The following PCDHGA3 variants were observed in gnomAD, a reference collection of about 807,000 sequenced individuals.
The protein encoded by PCDHGA3 is protocadherin gamma-A3.
Under a neutral mutation model 58.5 loss-of-function variants are expected in PCDHGA3, and 40 were observed. The observed-to-expected ratio is 0.68, with a 90% CI of 0.53 to 0.89. PCDHGA3 has a LOEUF of 0.89. Among genes scored for constraint, PCDHGA3 ranks in the 40% least tolerant of loss-of-function variants. The pLI is 0.00. For synonymous variants in PCDHGA3, 530 were observed against 525.7 expected (o/e 1.01, Z -0.11); for missense variants, 1,223 against 1,195.9 (o/e 1.02, Z -0.33).
chr5:141,468,229 G>A (rs1363462610), intron 1 of PCDHGA3, among the ~76,000 whole-genome samples: 4 of 150,884 alleles, frequency 2.7e-5, no homozygotes, highest in Non-Finnish European at 5.9e-5. Flanking sequence ...GGAGGATGAG[G>A]TAGGAGAATT....
rs375953505 is a variant in PCDHGA3 at position 141,352,222 on chromosome 5, C to T, written c.2424+5765C>T. 3.1e-6 allele frequency: 5 copies of T among 1,614,090 alleles called. No individual in the cohort carries two copies. The East Asian group carries it at 1.1e-4, about 36-fold the overall frequency. On this transcript the variant is annotated intron_variant, in intron 1 of 3. Coordinates refer to ENST00000253812, the MANE Select transcript of PCDHGA3 (RefSeq NM_018916.4). ...GACAGCCGCCACTCTCCGCCACCGC[C>T]ACGCTGCACCTAATCTTCGCGGATA...
At position 141,491,583 on chromosome 5, in the gene PCDHGA3, C is replaced by T; in HGVS notation, c.2425-3224C>T. On this transcript the variant is annotated intron_variant, in intron 1 of 3. Transcript: ENST00000253812. The surrounding 1 kb of genome is among the most constrained non-coding windows in gnomAD (Gnocchi z 6.9). ...GCTACAGGACGTGCTTTTCACCGGC[C>T]TCGGACGGCAGTGACTTCACTTTTC... 1 of 1,613,964 alleles carries T rather than the reference C, an allele frequency of 6.2e-7. No individual in the cohort carries two copies. Among genetic ancestry groups the T allele is most frequent in the African/African-American group, 1.3e-5 (1 of 75,032 alleles).
chr5:141,491,964 C>T lies in PCDHGA3; in HGVS notation c.2425-2843C>T, dbSNP rs1382490003. 2.1e-6 allele frequency: 2 copies of T among 943,836 alleles called. No individual in the cohort carries two copies. The highest frequency in any genetic ancestry group is 3.0e-6 in the Non-Finnish European group (2 of 671,104). 58.5% of individuals were successfully genotyped at this position (943,836 alleles called of 1,614,324 possible). On this transcript the variant is annotated intron_variant, in intron 1 of 3. Transcript: ENST00000253812. The surrounding 1 kb of genome is among the most constrained non-coding windows in gnomAD (Gnocchi z 6.9). ...CCCCACCCCTACACTCAAAAAAGGC[C>T]GGGGCCTCCTTCGAGCTTCCGGTGA...
intron 2 of PCDHGA3, among the ~76,000 whole-genome samples, chr5:141,497,332 A>G (rs537994715): frequency 6.6e-6 from 1 of 152,024 alleles, no homozygotes; most frequent in Non-Finnish European, 1.5e-5. Context: ...AGAATTCACC[A>G]TTGAACCTGG....
In PCDHGA3 at chr5:141,485,354, G is replaced by C; in HGVS notation, c.2425-9453G>C. 7 of 1,614,176 alleles carry C rather than the reference G, an allele frequency of 4.3e-6. No homozygotes were observed. Among genetic ancestry groups the C allele is most frequent in the Non-Finnish European group, 5.1e-6 (6 of 1,180,024 alleles). Reference sequence around the variant, plus strand: ...CCTGCTGGATACGGACAGTCTGTCAGCTCGCAGGCTGCAGGTCGCTGGAGA... The same window carrying C: ...CCTGCTGGATACGGACAGTCTGTCACCTCGCAGGCTGCAGGTCGCTGGAGA... On this transcript the variant is annotated intron_variant, in intron 1 of 3. Transcript: ENST00000253812. This position sits in a 1 kb window ranked among gnomAD's most constrained non-coding sequence, Gnocchi z 5.7.
chr5:141,417,800 C>T, intron 1 of PCDHGA3: 1 of 1,489,386 alleles, frequency 6.7e-7, no homozygotes. Context: ...TCTTTTAGCG[C>T]GGTAGAGTGC....
chr5:141,373,542 G>A (rs1451979596), intron 1 of PCDHGA3, among the ~76,000 whole-genome samples: 1 of 152,216 alleles, frequency 6.6e-6, no homozygotes. Flanking sequence ...GTTTGTGGTT[G>A]TTGGTACCCT....
Position 141,431,142 on chromosome 5 carries a change from A to G in PCDHGA3, c.2425-63665A>G. ...GAAGTAGAAGTAAGGGACATTAACG[A>G]CAATGCGCCTTACTTTCGTGAAAGT... On this transcript the variant is annotated intron_variant, in intron 1 of 3. Coordinates refer to ENST00000253812, the MANE Select transcript of PCDHGA3 (RefSeq NM_018916.4). This position sits in a 1 kb window ranked among gnomAD's most constrained non-coding sequence, Gnocchi z 4.8. 1 of 1,614,240 alleles carries G rather than the reference A, an allele frequency of 6.2e-7. No individual in the cohort carries two copies. Among genetic ancestry groups the G allele is most frequent in the Non-Finnish European group, 8.5e-7 (1 of 1,180,024 alleles).
intron 2 of PCDHGA3, among the ~76,000 whole-genome samples, chr5:141,502,431 G>A (rs998074347): frequency 1.3e-5 from 2 of 151,948 alleles, no homozygotes; most frequent in African/African-American, 4.8e-5. Context: ...TTCTCTGATG[G>A]TTAGATTCAG....
intron 1 of PCDHGA3, chr5:141,361,049 A>G (rs1276582922): frequency 1.2e-6 from 2 of 1,613,746 alleles, no homozygotes; most frequent in South Asian, 1.1e-5. Flanking sequence ...ACGACAAAGG[A>G]TGATTTGGAT....
chr5:141,510,905 C>T lies in PCDHGA3; in HGVS notation c.2573-42C>T. 4 of 1,613,538 alleles carry T rather than the reference C, an allele frequency of 2.5e-6. No homozygotes were observed. In the South Asian group the frequency reaches 4.4e-5, roughly 18 times the overall value. ...GATATAAGACAGTGACTGTTGAGGA[C>T]CCTAAGTTTAGCTCCCACCTGATCT... On this transcript the variant is annotated intron_variant, in intron 3 of 3. Coordinates refer to ENST00000253812, the MANE Select transcript of PCDHGA3 (RefSeq NM_018916.4).
intron 1 of PCDHGA3, chr5:141,420,053 T>C (rs1178680836): frequency 3.1e-6 from 5 of 1,613,970 alleles, no homozygotes; most frequent in Non-Finnish European, 2.5e-6. Context: ...GTCAGTTCTC[T>C]GCTCCAAGTC....
rs747633858 is a variant in PCDHGA3, at chr5:141,491,133, C to T, written c.2425-3674C>T. 6.2e-6 allele frequency: 10 copies of T among 1,614,158 alleles called. No homozygotes were observed. In the South Asian group the frequency reaches 9.9e-5, roughly 16 times the overall value. The stretch of plus-strand genomic sequence containing the variant: ...CACACACTGGTGAGGTGCGCACAGC[C>T]CGGGCCTTACTGGAGGATGACTCTG... On this transcript the variant is annotated intron_variant, in intron 1 of 3. Transcript: ENST00000253812. The surrounding 1 kb of genome is among the most constrained non-coding windows in gnomAD (Gnocchi z 6.9).
At position 141,399,541 on chromosome 5, in the gene PCDHGA3, G is replaced by T. The variant is rs1301909841; in HGVS notation, c.2424+53084G>T. Reference sequence around the variant, plus strand: ...TGGGGCCTCCATCGCGCAAGTCTGCGCCTCGGACCTGGACTTGGGGTTGAA... The same window carrying T: ...TGGGGCCTCCATCGCGCAAGTCTGCTCCTCGGACCTGGACTTGGGGTTGAA... On this transcript the variant is annotated intron_variant, in intron 1 of 3. Transcript: ENST00000253812. 1.9e-6 allele frequency: 3 copies of T among 1,613,926 alleles called. No individual in the cohort carries two copies. In the Admixed American group the frequency reaches 5.0e-5, roughly 27 times the overall value.
chr5:141,420,065 G>A (rs1253164840), intron 1 of PCDHGA3: 4 of 1,614,018 alleles, frequency 2.5e-6, no homozygotes, highest in Non-Finnish European at 3.4e-6. Flanking sequence ...CTCCAAGTCC[G>A]GACCTGTGGG....
intron 1 of PCDHGA3, among the ~76,000 whole-genome samples, chr5:141,369,284 A>ACT (rs1230564029): frequency 6.6e-6 from 1 of 152,194 alleles, no homozygotes; most frequent in Non-Finnish European, 1.5e-5. Flanking sequence ...TCACTCCCCA[A>ACT]TCCTAATAAC....
At chr5:141,372,484 C>T (rs1161994695) in intron 1 of PCDHGA3, 1 of 1,614,060 alleles carries the variant, frequency 6.2e-7, no homozygotes, top group Non-Finnish European at 8.5e-7. Context: ...GTGGCGTTGG[C>T]CTTGATCTCA....
intron 2 of PCDHGA3, among the ~76,000 whole-genome samples, chr5:141,501,620 T>G (rs1393018933): frequency 6.6e-6 from 1 of 152,090 alleles, no homozygotes; most frequent in Non-Finnish European, 1.5e-5. Context: ...GACTCTGGTA[T>G]AGTCTCTCAA....
Position 141,432,149 on chromosome 5 carries a change from A to G in PCDHGA3, c.2425-62658A>G. The G allele has an allele frequency of 6.2e-7, 1 of 1,613,964 alleles. No individual in the cohort carries two copies. The highest frequency in any genetic ancestry group is 8.5e-7 in the Non-Finnish European group (1 of 1,179,986). On this transcript the variant is annotated intron_variant, in intron 1 of 3. Transcript: ENST00000253812. This position sits in a 1 kb window ranked among gnomAD's most constrained non-coding sequence, Gnocchi z 6.0. Reference sequence around the variant, plus strand: ...CTCCTATTCCGCTTATATCCCAGAGAACAATCCCAGAGGAGTTTCCCTCGT... The same window carrying G: ...CTCCTATTCCGCTTATATCCCAGAGGACAATCCCAGAGGAGTTTCCCTCGT...
Sources: gnomAD v4.1 joint callset for allele counts (sites outside exome capture counted in the v4.1 genomes callset) on GRCh38, gnomAD v4.1.1 for gene constraint, Gnocchi (gnomAD v3.1) non-coding constraint, MANE v1.5 for transcripts, NCBI Gene and HGNC (gene_info 2026-07-23, HGNC 2026-07-21) for gene names.